The following EPHA2 variants were observed in gnomAD, a reference collection of about 807,000 sequenced individuals.
EPHA2 encodes the protein ephrin type-A receptor 2.
In EPHA2, 54 loss-of-function variants were observed where a neutral mutation model predicts 104.9. The observed-to-expected ratio is 0.51, with a 90% CI of 0.41 to 0.65. The LOEUF (loss-of-function observed/expected upper bound fraction) is 0.65, where lower values mean the gene tolerates loss of function less well. EPHA2 is among the 30% of genes least tolerant of loss of function. The probability of loss-of-function intolerance (pLI) is 0.00; values close to 1 mark genes in which losing one functional copy is unlikely to be tolerated. For missense variants in EPHA2, 1,117 were observed against 1,369.5 expected (o/e 0.82, Z 2.91); for synonymous variants, 560 against 559.1 (o/e 1.00, Z -0.02).
chr1:16,126,734 C>T (rs747802765), intron 16 of EPHA2, among the ~76,000 whole-genome samples: 3 of 152,196 alleles, frequency 2.0e-5, no homozygotes, highest in African/African-American at 4.8e-5. Flanking sequence ...ACTCGATTTG[C>T]AGTTCCGCAG....
chr1:16,149,766 G>C (rs1433458276), intron 2 of EPHA2, among the ~76,000 whole-genome samples: 1 of 152,188 alleles, frequency 6.6e-6, no homozygotes, highest in African/African-American at 2.4e-5. Context: ...ACGGCACATG[G>C]GGACACCCAC....
At position 16,149,160 on chromosome 1, in the gene EPHA2, C is replaced by T. The variant is rs771188613; in HGVS notation, c.154-113G>A. 1.2e-5 allele frequency: 14 copies of T among 1,202,468 alleles called. 1 individual carries two copies. Among genetic ancestry groups the T allele is most frequent in the South Asian group, 2.5e-5 (2 of 78,650 alleles). 74.5% of individuals were successfully genotyped at this position (1,202,468 alleles called of 1,614,324 possible). Reference sequence around the variant, plus strand: ...TCCAGTTCGTGCTCTCCGGGTTCTACGGTGAAGGAAACTGAGGCCTGAGGC... The same window carrying T: ...TCCAGTTCGTGCTCTCCGGGTTCTATGGTGAAGGAAACTGAGGCCTGAGGC... On this transcript the variant is annotated intron_variant, in intron 2 of 16. Transcript: ENST00000358432.
rs746201036 is a variant in EPHA2 at position 16,131,778 on chromosome 1, G to A, written c.2418C>T (p.Val806=). 9.3e-6 allele frequency: 15 copies of A among 1,614,022 alleles called. No homozygotes were observed. Among genetic ancestry groups the A allele is most frequent in the Admixed American group, 1.7e-5 (1 of 60,010 alleles). ...SASDVWSFGI[V]MWEVMTYGER... Reference sequence around the variant, plus strand: ...CGCCATAGGTCATCACCTCCCACATGACAATGCCAAAGCTCCACACGTCGC... The same window carrying A: ...CGCCATAGGTCATCACCTCCCACATAACAATGCCAAAGCTCCACACGTCGC... The change falls in exon 14 of 17, where the codon GTC becomes GTT. Residue 806 remains valine, a synonymous_variant. Transcript: ENST00000358432. The surrounding 1 kb of genome is among the most constrained non-coding windows in gnomAD (Gnocchi z 5.2).
rs2024670234 is a variant in EPHA2 at position 16,135,658 on chromosome 1, C to T, written c.1425G>A (p.Lys475=). 1.2e-6 allele frequency: 2 copies of T among 1,613,970 alleles called. No homozygotes were observed. Among genetic ancestry groups the T allele is most frequent in the Non-Finnish European group, 1.7e-6 (2 of 1,179,966 alleles). Residue 475 remains lysine, a synonymous_variant, in exon 6 of 17, where the codon AAG becomes AAA. Coordinates refer to ENST00000358432, the MANE Select transcript of EPHA2 (RefSeq NM_004431.5). This position sits in a 1 kb window ranked among gnomAD's most constrained non-coding sequence, Gnocchi z 4.3. ...GCCCCGCCCCTCTGGGAGTTACCTT[C>T]TTGCGGTAAGTGACCTCGTACTTCC... ...RVWKYEVTYR[K]KGDSNSYNVR...
chr1:16,153,301 C>T (rs2025080581), intron 1 of EPHA2: 2 of 985,430 alleles, frequency 2.0e-6, no homozygotes, highest in Non-Finnish European at 1.2e-6. Flanking sequence ...CTCCCCGCTT[C>T]CCCCATTCCT....
At chr1:16,133,137 A>T (rs778899516) in intron 11 of EPHA2, 43 bp downstream of exon 11, 32 of 1,610,070 alleles carry the variant, frequency 2.0e-5, no homozygotes, top group Non-Finnish European at 2.6e-5. Context: ...GCCCCTGCTA[A>T]GTGGCCCCTC....
Position 16,138,077 on chromosome 1 carries a change from C to A in EPHA2, c.1088G>T (p.Ser363Ile). ...GGGCCAGCACTGTTCGCAGGTGACG[C>A]TGTAGACAATGTCCTCGCGGCCCCC... ...DSGGREDIVY[S>I]VTCEQCWPES... Residue 363 changes from serine to isoleucine, a missense_variant, in exon 5 of 17, where the codon AGC becomes ATC. Physicochemically the swap from Ser to Ile is moderately radical, Grantham distance 142. Around this residue, in one of 3 missense-constraint regions of EPHA2, gnomAD observed 664 missense variants for 784.8 expected, o/e 0.85. Coordinates refer to ENST00000358432, the MANE Select transcript of EPHA2 (RefSeq NM_004431.5). 1.2e-6 allele frequency: 2 copies of A among 1,612,316 alleles called. No individual in the cohort carries two copies. Among genetic ancestry groups the A allele is most frequent in the South Asian group, 2.2e-5 (2 of 91,078 alleles).
At chr1:16,127,627 C>A (rs2024493981) in intron 16 of EPHA2, among the ~76,000 whole-genome samples, 1 of 152,098 alleles carries the variant, frequency 6.6e-6, no homozygotes, top group Non-Finnish European at 1.5e-5. Flanking sequence ...CGTGTGTAGA[C>A]CCAGGCTTCA....
chr1:16,142,377 C>T (rs2024838685), intron 3 of EPHA2, among the ~76,000 whole-genome samples: 1 of 152,230 alleles, frequency 6.6e-6, no homozygotes, highest in South Asian at 2.1e-4. Context: ...CTGCATGTAT[C>T]AGGAGCTTCC....
chr1:16,126,843 A>G lies in EPHA2; in HGVS notation c.2826-1523T>C, dbSNP rs567034245. Among the ~76,000 whole-genome samples the G allele has an allele frequency of 1.1e-4, 16 of 152,188 alleles. No individual in the cohort carries two copies. In the East Asian group the frequency reaches 2.1e-3, roughly 20 times the overall value. On this transcript the variant is annotated intron_variant, in intron 16 of 16. Transcript: ENST00000358432. ...AAGCTCCAGGAGGACAAGTGCTGAG[A>G]CCTTGTCATCTGGGCCCATCACCCC...
Position 16,137,949 on chromosome 1 carries a change from T to C in EPHA2, c.1216A>G (p.Met406Val), listed in dbSNP as rs754022603. ...SVTVSDLEPH[M>V]NYTFTVEARN... ...GCCTCCACGGTGAAGGTGTAGTTCATGTGGGGCTCCAGGTCGCTCACTGTC... is the reference window on the plus strand; with the variant it reads ...GCCTCCACGGTGAAGGTGTAGTTCACGTGGGGCTCCAGGTCGCTCACTGTC... Residue 406 changes from methionine to valine, a missense_variant, in exon 5 of 17, where the codon ATG becomes GTG. By Grantham distance (21) the Met-to-Val change is conservative. This residue lies in a region of EPHA2 where 664 missense variants were observed against 784.8 expected (regional missense o/e 0.85). Coordinates refer to ENST00000358432, the MANE Select transcript of EPHA2 (RefSeq NM_004431.5). 1.7e-5 allele frequency: 28 copies of C among 1,614,032 alleles called. No homozygotes were observed. In the African/African-American group the frequency reaches 2.9e-4, roughly 17 times the overall value.
At chr1:16,133,048 C>T in intron 11 of EPHA2, 132 bp downstream of exon 11, 2 of 1,255,122 alleles carry the variant, frequency 1.6e-6, no homozygotes, top group Non-Finnish European at 2.2e-6. Context: ...GAAGTGGGCA[C>T]AGTTGTAGAG....
In EPHA2 at chr1:16,155,978, G is replaced by A. The variant is rs2025160843; in HGVS notation, c.-46C>T. The A allele has an allele frequency of 7.0e-7, 1 of 1,432,434 alleles. No individual in the cohort carries two copies. Among genetic ancestry groups the A allele is most frequent in the East Asian group, 3.0e-5 (1 of 33,286 alleles). 88.7% of individuals were successfully genotyped at this position (1,432,434 alleles called of 1,614,324 possible). A position where few individuals can be genotyped will look rare whatever the true frequency, so the allele number is the denominator to read the frequency against. ...TCCGATCCCCCCGAGCCCGGCTCCC[G>A]CACACCCGCACGCCTGCACGCCGGC... On this transcript the variant is annotated 5_prime_UTR_variant, in exon 1 of 17. Coordinates refer to ENST00000358432, the MANE Select transcript of EPHA2 (RefSeq NM_004431.5).
chr1:16,148,789 G>A lies in EPHA2; in HGVS notation c.412C>T (p.Leu138=), dbSNP rs2124263208. The A allele has an allele frequency of 6.2e-7, 1 of 1,614,150 alleles. No homozygotes were observed. Among genetic ancestry groups the A allele is most frequent in the Non-Finnish European group, 8.5e-7 (1 of 1,180,050 alleles). ...GCAATGGTGTCAATCTTGGTGAACA[G>A]GCGCTTCTGGAAGTTGGTGCCGTAG... ...LDYGTNFQKR[L]FTKIDTIAPD... is the part of the protein sequence containing the mutation. Residue 138 remains leucine (L), a synonymous_variant, in exon 3 of 17, where the codon CTG becomes TTG. Transcript: ENST00000358432. The surrounding 1 kb of genome is among the most constrained non-coding windows in gnomAD (Gnocchi z 4.9).
intron 3 of EPHA2, among the ~76,000 whole-genome samples, chr1:16,141,765 G>A (rs1002667895): frequency 6.6e-6 from 1 of 152,252 alleles, no homozygotes; most frequent in Admixed American, 6.5e-5. Flanking sequence ...CCCGGGGGTG[G>A]CCTGCCTGCC....
intron 3 of EPHA2, among the ~76,000 whole-genome samples, chr1:16,141,911 C>G (rs2024831344): frequency 6.6e-6 from 1 of 152,244 alleles, no homozygotes; most frequent in South Asian, 2.1e-4. Context: ...CACAAAGCTA[C>G]CAGGGGCTGT....
In EPHA2 at chr1:16,128,403, C is replaced by G. The variant is rs1377841087; in HGVS notation, c.2825+1031G>C. The stretch of plus-strand genomic sequence containing the variant: ...TGAGGGAGGCTATGGCCTTGGCCAG[C>G]AGGTTGGGAGCCCAGCTGAGCAATT... On this transcript the variant is annotated intron_variant, in intron 16 of 16. Coordinates refer to ENST00000358432, the MANE Select transcript of EPHA2 (RefSeq NM_004431.5). This position sits in a 1 kb window ranked among gnomAD's most constrained non-coding sequence, Gnocchi z 4.7. Among the ~76,000 whole-genome samples the G allele has an allele frequency of 6.6e-6, 1 of 152,222 alleles. No homozygotes were observed. Among genetic ancestry groups the G allele is most frequent in the Non-Finnish European group, 1.5e-5 (1 of 68,042 alleles).
At chr1:16,146,263 C>G (rs1255182832) in intron 3 of EPHA2, among the ~76,000 whole-genome samples, 4 of 152,194 alleles carry the variant, frequency 2.6e-5, no homozygotes, top group Non-Finnish European at 5.9e-5. Flanking sequence ...ACTTGTCCTC[C>G]TGCTGGGCTG....
intron 3 of EPHA2, among the ~76,000 whole-genome samples, chr1:16,146,037 G>A (rs1456565295): frequency 1.3e-5 from 2 of 152,232 alleles, no homozygotes; most frequent in African/African-American, 4.8e-5. Flanking sequence ...GGTAGCGACT[G>A]TCATCACTTC....
Sources: gnomAD v4.1 joint callset for allele counts (sites outside exome capture counted in the v4.1 genomes callset) on GRCh38, gnomAD v4.1.1 for gene constraint, gnomAD v4.1.1 regional missense constraint, Gnocchi (gnomAD v3.1) non-coding constraint, MANE v1.5 for transcripts, NCBI Gene and HGNC (gene_info 2026-07-23, HGNC 2026-07-21) for gene names.